The following ZNF423 variants were observed in gnomAD, a reference collection of about 807,000 sequenced individuals.
ZNF423 encodes the protein zinc finger protein 423.
A neutral mutation model predicts 95.8 loss-of-function variants in ZNF423; 12 were observed. The ratio of observed to expected loss-of-function variants is 0.13; its 90% CI spans 0.08 to 0.20. The LOEUF is 0.20. Ranked by LOEUF, ZNF423 falls within the 10% of genes least tolerant of loss-of-function variation. The pLI is 1.00. For missense variants in ZNF423, 1,316 were observed against 1,737.1 expected (o/e 0.76, Z 4.31); for synonymous variants, 749 against 711.9 (o/e 1.05, Z -0.83).
At chr16:49,648,176 G>A (rs1379996413) in intron 3 of ZNF423, among the ~76,000 whole-genome samples, 5 of 152,168 alleles carry the variant, frequency 3.3e-5, no homozygotes, top group Non-Finnish European at 5.9e-5. Flanking sequence ...AAGGAAGGGG[G>A]ATCCTTGATA....
At chr16:49,736,611 A>G (rs2033291451) in intron 2 of ZNF423, among the ~76,000 whole-genome samples, 1 of 152,194 alleles carries the variant, frequency 6.6e-6, no homozygotes, top group Non-Finnish European at 1.5e-5. Flanking sequence ...CCCAGGCAAC[A>G]CAGTGAGACC....
At chr16:49,657,196 C>T (rs1402168587) in intron 3 of ZNF423, among the ~76,000 whole-genome samples, 1 of 152,188 alleles carries the variant, frequency 6.6e-6, no homozygotes, top group African/African-American at 2.4e-5. Context: ...AAGCGGCACA[C>T]ACTGTGTGAC....
chr16:49,534,043 C>G (rs1327638163), intron 5 of ZNF423, among the ~76,000 whole-genome samples: 1 of 151,986 alleles, frequency 6.6e-6, no homozygotes, highest in African/African-American at 2.4e-5. Context: ...TACACTGAGG[C>G]AGGAAGATGT....
chr16:49,690,113 G>A (rs991414950), intron 3 of ZNF423, among the ~76,000 whole-genome samples: 3 of 152,244 alleles, frequency 2.0e-5, no homozygotes, highest in African/African-American at 4.8e-5. Flanking sequence ...CAGTGTACAA[G>A]GCAGTGTGCC....
rs141511980 is a variant in ZNF423 at position 49,605,182 on chromosome 16, C to T, written c.3601+20988G>A. ...GTCTCACCACCAGCAGATGTAGTAT[C>T]GACCAGAATTTCCCAGACTTCCCTG... On this transcript the variant is annotated intron_variant, in intron 5 of 7. Coordinates refer to ENST00000563137, the MANE Select transcript of ZNF423 (RefSeq NM_001379286.1). Among the ~76,000 whole-genome samples, 9 of 152,236 alleles carry T rather than the reference C, an allele frequency of 5.9e-5. No individual in the cohort carries two copies. In the East Asian group the frequency reaches 1.2e-3, roughly 20 times the overall value.
chr16:49,830,954 C>T (rs1026028458), intron 1 of ZNF423, among the ~76,000 whole-genome samples: 5 of 152,108 alleles, frequency 3.3e-5, no homozygotes, highest in Non-Finnish European at 7.3e-5. Context: ...CCAGTTCCAC[C>T]AAAATTGAAT....
chr16:49,635,985 T>C lies in ZNF423; in HGVS notation c.3191A>G (p.Asn1064Ser), dbSNP rs368041529. The change falls in exon 4 of 8, where the codon AAT becomes AGT. Residue 1064 changes from asparagine to serine, a missense_variant. Asn to Ser is a conservative substitution (Grantham distance 46, BLOSUM62 1). Coordinates refer to ENST00000563137, the MANE Select transcript of ZNF423 (RefSeq NM_001379286.1). The surrounding 1 kb of genome is among the most constrained non-coding windows in gnomAD (Gnocchi z 4.8). ...GTAGAGCTTCTGCAGCCCCTGGCCATTGGGGGAGGACGCCGCTGAGCTGCC... is the reference window on the plus strand; with the variant it reads ...GTAGAGCTTCTGCAGCCCCTGGCCACTGGGGGAGGACGCCGCTGAGCTGCC... ...LAGSSAASSP[N>S]GQGLQKLYKC... The C allele has an allele frequency of 2.1e-5, 33 of 1,600,984 alleles. No individual in the cohort carries two copies. The highest frequency in any genetic ancestry group is 3.3e-4 in the Middle Eastern group (2 of 6,024).
intron 3 of ZNF423, chr16:49,664,142 G>T (rs2030404616): frequency 5.1e-6 from 5 of 985,578 alleles, no homozygotes; most frequent in Non-Finnish European, 6.0e-6. Context: ...GATGCCAAGA[G>T]GGCCAGAACC....
chr16:49,721,725 G>A (rs1051290434), intron 3 of ZNF423, among the ~76,000 whole-genome samples: 2 of 152,122 alleles, frequency 1.3e-5, no homozygotes, highest in African/African-American at 4.8e-5. Flanking sequence ...AGAAAATCAT[G>A]AAGGTGGTCA....
chr16:49,636,280 G>C lies in ZNF423; in HGVS notation c.2896C>G (p.His966Asp). Reference sequence around the variant, plus strand: ...TCACCACAGATGGGACACATGTAGTGCTTGGCAGGGCCCCGGTGCGTCTGC... The same window carrying C: ...TCACCACAGATGGGACACATGTAGTCCTTGGCAGGGCCCCGGTGCGTCTGC... The part of the protein sequence containing the change: ...HLQTHRGPAK[H>D]YMCPICGERF... Residue 966 changes from histidine (H) to aspartate (D), a missense_variant, in exon 4 of 8, where the codon CAC becomes GAC. Coordinates refer to ENST00000563137, the MANE Select transcript of ZNF423 (RefSeq NM_001379286.1). This position sits in a 1 kb window ranked among gnomAD's most constrained non-coding sequence, Gnocchi z 8.6. 6.2e-7 allele frequency: 1 copy of C among 1,612,852 alleles called. No individual in the cohort carries two copies. Among genetic ancestry groups the C allele is most frequent in the Non-Finnish European group, 8.5e-7 (1 of 1,180,034 alleles).
chr16:49,637,967 C>G lies in ZNF423; in HGVS notation c.1209G>C (p.Lys403Asn), dbSNP rs749784412. Residue 403 changes from lysine to asparagine, a missense_variant, in exon 4 of 8, where the codon AAG (lysine) becomes AAC (asparagine). Around this residue, in one of 6 missense-constraint regions of ZNF423, gnomAD observed 399 missense variants for 478.5 expected, o/e 0.83. Coordinates refer to ENST00000563137, the MANE Select transcript of ZNF423 (RefSeq NM_001379286.1). This position sits in a 1 kb window ranked among gnomAD's most constrained non-coding sequence, Gnocchi z 5.6. ...AGCCCTGCCCGTCATCCCGCATCTT[C>G]TTCTGCCCCCGCAGCGGCTTCAAGG... ...DSTLKPLRGQ[K>N]KMRDDGQGWT... 5 of 1,614,040 alleles carry G rather than the reference C, an allele frequency of 3.1e-6. No homozygotes were observed. Among genetic ancestry groups the G allele is most frequent in the Non-Finnish European group, 3.4e-6 (4 of 1,180,052 alleles).
intron 1 of ZNF423, among the ~76,000 whole-genome samples, chr16:49,814,648 TTGCTA>T (rs2034808291): frequency 6.6e-6 from 1 of 151,926 alleles, no homozygotes; most frequent in South Asian, 2.1e-4. Flanking sequence ...ATCAATTGGC[TTGCTA>T]TAAGATTTGT....
At chr16:49,810,894 C>T (rs1402335630) in intron 1 of ZNF423, among the ~76,000 whole-genome samples, 2 of 152,070 alleles carry the variant, frequency 1.3e-5, no homozygotes, top group Non-Finnish European at 2.9e-5. Context: ...TGCAGGGCAG[C>T]GCTGAGAGTC....
At chr16:49,673,425 T>C (rs1291268178) in intron 3 of ZNF423, among the ~76,000 whole-genome samples, 2 of 152,228 alleles carry the variant, frequency 1.3e-5, no homozygotes, top group Non-Finnish European at 2.9e-5. Context: ...CCCACCAGCG[T>C]GAGCGGTGGT....
Position 49,638,959 on chromosome 16 carries a change from C to A in ZNF423, c.302-85G>T, listed in dbSNP as rs968178592. The A allele has an allele frequency of 1.4e-6, 2 of 1,475,556 alleles. No individual in the cohort carries two copies. Among genetic ancestry groups the A allele is most frequent in the Non-Finnish European group, 9.0e-7 (1 of 1,114,576 alleles). The allele number at this position is 1,475,556 out of a possible 1,614,324, so 91.4% of individuals were successfully genotyped here. The stretch of plus-strand genomic sequence containing the variant: ...ACAGAGCCAGCTTCTCGACAGCACG[C>A]GGGCTGAGGCTGTGCAGCTGGCCAA... On this transcript the variant is annotated intron_variant, in intron 3 of 7. Coordinates refer to ENST00000563137, the MANE Select transcript of ZNF423 (RefSeq NM_001379286.1). The surrounding 1 kb of genome is among the most constrained non-coding windows in gnomAD (Gnocchi z 5.6).
chr16:49,796,226 G>A (rs958041014), intron 1 of ZNF423, among the ~76,000 whole-genome samples: 5 of 151,962 alleles, frequency 3.3e-5, no homozygotes, highest in South Asian at 4.2e-4. Flanking sequence ...GCCACAGCTC[G>A]TCCCCTGTGC....
At chr16:49,811,806 C>T (rs897588807) in intron 1 of ZNF423, among the ~76,000 whole-genome samples, 4 of 151,838 alleles carry the variant, frequency 2.6e-5, no homozygotes, top group East Asian at 1.9e-4. Context: ...CCTGACCGCC[C>T]GCCTCAGCCA....
chr16:49,600,891 C>T (rs991589232), intron 5 of ZNF423, among the ~76,000 whole-genome samples: 1 of 152,310 alleles, frequency 6.6e-6, no homozygotes, highest in African/African-American at 2.4e-5. Context: ...CTCCAAACTT[C>T]ATTTCACGAA....
chr16:49,629,104 C>T (rs933784166), intron 4 of ZNF423, among the ~76,000 whole-genome samples: 2 of 152,204 alleles, frequency 1.3e-5, no homozygotes, highest in Non-Finnish European at 2.9e-5. Flanking sequence ...GATGAACCAC[C>T]AGGTAGCTTA....
Sources: gnomAD v4.1 joint callset for allele counts (sites outside exome capture counted in the v4.1 genomes callset) on GRCh38, gnomAD v4.1.1 for gene constraint, gnomAD v4.1.1 regional missense constraint, Gnocchi (gnomAD v3.1) non-coding constraint, MANE v1.5 for transcripts, NCBI Gene and HGNC (gene_info 2026-07-23, HGNC 2026-07-21) for gene names.